The following RMDN2 variants were observed in gnomAD, a reference collection of about 807,000 sequenced individuals.
The protein encoded by RMDN2 is regulator of microtubule dynamics protein 2.
Under a neutral mutation model 52.8 loss-of-function variants are expected in RMDN2, and 61 were observed. The observed-to-expected ratio is 1.16, with a 90% confidence interval of 0.94 to 1.43. The LOEUF (loss-of-function observed/expected upper bound fraction) is 1.43, where lower values mean the gene tolerates loss of function less well. RMDN2 is among the 40% of genes most tolerant of loss of function. RMDN2 has a pLI of 0.00. For missense variants in RMDN2, 592 were observed against 475.3 expected, an observed-to-expected ratio of 1.25 and a Z score of -2.28; for synonymous variants, 180 against 153.1, an observed-to-expected ratio of 1.18 and a Z score of -1.30.
intron 10 of RMDN2, among the ~76,000 whole-genome samples, chr2:38,023,052 C>T (rs1026990104): frequency 6.6e-5 from 10 of 152,198 alleles, no homozygotes; most frequent in African/African-American, 2.4e-4. Flanking sequence ...TAACACTTAC[C>T]TGGTAATTAC....
rs532336959 is a variant in RMDN2 at position 37,988,759 on chromosome 2, A to G, written c.792-782A>G. ...GACAAAAACACTCTGAAATACTTCA[A>G]AGATTTTTGTACAGGTAGAAACACT... On this transcript the variant is annotated intron_variant, in intron 5 of 10. Transcript: ENST00000354545. Among the ~76,000 whole-genome samples the G allele has an allele frequency of 1.9e-3, 287 of 152,338 alleles. 1 individual carries two copies. Among genetic ancestry groups the G allele is most frequent in the Non-Finnish European group, 2.6e-3 (174 of 68,020 alleles).
At chr2:37,945,680 A>AT in intron 2 of RMDN2, among the ~76,000 whole-genome samples, 1 of 152,062 alleles carries the variant, frequency 6.6e-6, no homozygotes. Context: ...TCCATCAATA[A>AT]TTTTTTCCAG....
At chr2:38,045,213 C>A (rs1681198411) in intron 10 of RMDN2, among the ~76,000 whole-genome samples, 1 of 152,084 alleles carries the variant, frequency 6.6e-6, no homozygotes, top group African/African-American at 2.4e-5. Flanking sequence ...ATGAAAAGTT[C>A]TGGTTTTCTT....
At chr2:37,956,978 C>G (rs996279329) in intron 2 of RMDN2, among the ~76,000 whole-genome samples, 16 of 152,192 alleles carry the variant, frequency 1.1e-4, no homozygotes, top group Non-Finnish European at 2.2e-4. Context: ...CTGCAAAGGA[C>G]ATGAACTCAT....
rs577363722 is a variant in RMDN2 at position 38,005,387 on chromosome 2, T to C, written c.1179+1171T>C. Among the ~76,000 whole-genome samples the C allele has an allele frequency of 9.3e-4, 141 of 152,242 alleles. 3 individuals carry two copies. In the East Asian group the frequency reaches 0.015, roughly 16 times the overall value. Reference sequence around the variant, plus strand: ...TGTTGTTTCCTGACTTTTTAATGATTGCCATTCTAACTGGTGTGAGATGGT... The same window carrying C: ...TGTTGTTTCCTGACTTTTTAATGATCGCCATTCTAACTGGTGTGAGATGGT... On this transcript the variant is annotated intron_variant, in intron 10 of 10. Transcript: ENST00000354545.
chr2:37,946,380 G>A (rs1450732570), intron 2 of RMDN2, among the ~76,000 whole-genome samples: 1 of 152,058 alleles, frequency 6.6e-6, no homozygotes, highest in Non-Finnish European at 1.5e-5. Flanking sequence ...AGGAAGAAGG[G>A]TAAGATGCTT....
At chr2:37,949,736 A>C (rs545682368) in intron 2 of RMDN2, among the ~76,000 whole-genome samples, 6 of 152,146 alleles carry the variant, frequency 3.9e-5, no homozygotes, top group Non-Finnish European at 5.9e-5. Flanking sequence ...ATTTAGGATC[A>C]GGAAATTGCA....
intron 4 of RMDN2, among the ~76,000 whole-genome samples, chr2:37,977,965 C>T (rs1350120142): frequency 6.6e-6 from 1 of 152,120 alleles, no homozygotes; most frequent in Non-Finnish European, 1.5e-5. Flanking sequence ...GAGGCCAAGG[C>T]AGGCGGCTGG....
chr2:37,982,372 A>G (rs1673438452), intron 5 of RMDN2, among the ~76,000 whole-genome samples: 1 of 152,204 alleles, frequency 6.6e-6, no homozygotes, highest in Admixed American at 6.5e-5. Flanking sequence ...AAAGGGACAC[A>G]TGCCAAAATA....
chr2:37,978,661 A>G (rs148470113), intron 4 of RMDN2, among the ~76,000 whole-genome samples: 2 of 152,180 alleles, frequency 1.3e-5, no homozygotes, highest in Non-Finnish European at 2.9e-5. Flanking sequence ...CCTTGTCTCT[A>G]CTAAAAATAA....
upstream of RMDN2, among the ~76,000 whole-genome samples, chr2:37,922,519 A>C (rs1363206293): frequency 6.6e-6 from 1 of 152,154 alleles, no homozygotes; most frequent in Non-Finnish European, 1.5e-5. Context: ...ACTACTTTCA[A>C]ATAGTTATCT....
chr2:37,965,562 TATCATTAATCTAGA>T (rs1198204627), intron 2 of RMDN2, among the ~76,000 whole-genome samples: 11 of 152,280 alleles, frequency 7.2e-5, no homozygotes, highest in Admixed American at 7.2e-4. Flanking sequence ...TATGTTGTAT[TATCATTAATCTAGA>T]ATCATTAATA....
In RMDN2 at chr2:38,004,183, T is replaced by G. The variant is rs1193654979; in HGVS notation, c.1146T>G (p.Asn382Lys). 2 of 1,613,736 alleles carry G rather than the reference T, an allele frequency of 1.2e-6. No homozygotes were observed. The highest frequency in any genetic ancestry group is 2.7e-5 in the African/African-American group (2 of 74,926). ...EENQNALKFCNLALLLPTVTK... is the reference protein window; with the variant it reads ...EENQNALKFCKLALLLPTVTK... ...ACCAGAATGCTTTGAAGTTCTGTAA[T>G]TTGGCTTTATTGCTTCCTACTGTTA... The change falls in exon 10 of 11, where the codon AAT becomes AAG. Residue 382 changes from asparagine to lysine, a missense_variant. By Grantham distance (94) the Asn-to-Lys change is moderately conservative. Transcript: ENST00000354545.
At chr2:38,001,314 A>G (rs1676291372) in intron 8 of RMDN2, among the ~76,000 whole-genome samples, 1 of 152,212 alleles carries the variant, frequency 6.6e-6, no homozygotes, top group Non-Finnish European at 1.5e-5. Context: ...ATTCTTTGCC[A>G]GGTGTTATGA....
intron 7 of RMDN2, among the ~76,000 whole-genome samples, chr2:37,995,180 G>T (rs1675345146): frequency 6.6e-6 from 1 of 152,050 alleles, no homozygotes; most frequent in South Asian, 2.1e-4. Context: ...AAAATACCTA[G>T]TGACTGAGAA....
rs1367463024 is a variant in RMDN2, at chr2:37,951,291, G to C, written c.452+21562G>C. ...TTCTCCAGAAGATCAAGTTAGTACAGACGCCCAGCATCGTGGAGCCTCTTC... is the reference window on the plus strand; with the variant it reads ...TTCTCCAGAAGATCAAGTTAGTACACACGCCCAGCATCGTGGAGCCTCTTC... On this transcript the variant is annotated intron_variant, in intron 2 of 10. Coordinates refer to ENST00000354545, the MANE Select transcript of RMDN2 (RefSeq NM_001170791.3). 2 of 1,611,828 alleles carry C rather than the reference G, an allele frequency of 1.2e-6. No individual in the cohort carries two copies. The highest frequency in any genetic ancestry group is 4.5e-5 in the East Asian group (2 of 44,882).
chr2:37,938,824 T>C (rs907037781), intron 2 of RMDN2, among the ~76,000 whole-genome samples: 1 of 152,200 alleles, frequency 6.6e-6, no homozygotes, highest in Non-Finnish European at 1.5e-5. Context: ...GTCTATCTAT[T>C]TTGTAATCTT....
At chr2:37,951,866 TCTTG>T (rs763134386) in intron 2 of RMDN2, 4 of 1,613,562 alleles carry the variant, frequency 2.5e-6, no homozygotes, top group Non-Finnish European at 2.5e-6. Context: ...CCTTCTTTTC[TCTTG>T]CAAGTGATAT....
rs1573058093 is a variant in RMDN2, at chr2:38,007,577, C to G, written c.1179+3361C>G. Reference sequence around the variant, plus strand: ...TCCCCTTTATCATTTTTTATTGCGTCTATTTGATTCTTCTGTCTTTTCTTC... The same window carrying G: ...TCCCCTTTATCATTTTTTATTGCGTGTATTTGATTCTTCTGTCTTTTCTTC... On this transcript the variant is annotated intron_variant, in intron 10 of 10. Transcript: ENST00000354545. Among the ~76,000 whole-genome samples the G allele has an allele frequency of 2.0e-5, 3 of 152,052 alleles. No individual in the cohort carries two copies. In the East Asian group the frequency reaches 5.8e-4, roughly 29 times the overall value.
Sources: gnomAD v4.1 joint callset for allele counts (sites outside exome capture counted in the v4.1 genomes callset) on GRCh38, gnomAD v4.1.1 for gene constraint, MANE v1.5 for transcripts, NCBI Gene and HGNC (gene_info 2026-07-23, HGNC 2026-07-21) for gene names.